The following ANK2 variants were observed in gnomAD, a reference collection of about 807,000 sequenced individuals.
ANK2 encodes ankyrin 2.
A neutral mutation model predicts 360.5 loss-of-function variants in ANK2; 83 were observed. That is an observed-to-expected ratio of 0.23 (90% CI 0.19 to 0.28). ANK2 has a LOEUF of 0.28. Ranked by LOEUF, ANK2 falls within the 10% of genes least tolerant of loss-of-function variation. ANK2 has a pLI of 1.00. For missense variants in ANK2, 4,201 were observed against 4,795.7 expected (o/e 0.88, Z 3.66); for synonymous variants, 1,740 against 1,759.5 (o/e 0.99, Z 0.28).
chr4:113,361,640 G>A (rs2096234121), intron 39 of ANK2, among the ~76,000 whole-genome samples: 1 of 150,660 alleles, frequency 6.6e-6, no homozygotes, highest in African/African-American at 2.4e-5. Flanking sequence ...ATGAATAGGA[G>A]CCCATAATAC....
chr4:112,897,344 T>G (rs2082065501), intron 1 of ANK2, among the ~76,000 whole-genome samples: 2 of 152,168 alleles, frequency 1.3e-5, no homozygotes, highest in African/African-American at 4.8e-5. Context: ...CCTTGTTACT[T>G]TTTTCATTTT....
intron 22 of ANK2, among the ~76,000 whole-genome samples, chr4:113,299,516 C>G (rs1357244280): frequency 6.6e-6 from 1 of 151,976 alleles, no homozygotes; most frequent in Non-Finnish European, 1.5e-5. Flanking sequence ...ACCAGCCAGG[C>G]CAACATGGTG....
intron 23 of ANK2, among the ~76,000 whole-genome samples, chr4:113,306,067 A>G (rs1412011343): frequency 5.3e-5 from 8 of 152,224 alleles, no homozygotes; most frequent in Admixed American, 3.3e-4. Context: ...AATAATGAAT[A>G]TGATGTTATT....
At chr4:113,265,635 T>C (rs536892815) in intron 14 of ANK2, among the ~76,000 whole-genome samples, 3 of 152,308 alleles carry the variant, frequency 2.0e-5, no homozygotes, top group Non-Finnish European at 4.4e-5. Flanking sequence ...TTCCTTCTTT[T>C]TCTGTTTTTA....
chr4:113,180,487 C>T (rs2098381936), intron 2 of ANK2, among the ~76,000 whole-genome samples: 1 of 152,110 alleles, frequency 6.6e-6, no homozygotes, highest in Non-Finnish European at 1.5e-5. Flanking sequence ...CTGATTCGCA[C>T]AAGCAGGACA....
chr4:112,996,772 A>T (rs2048671041), intron 2 of ANK2, among the ~76,000 whole-genome samples: 1 of 152,140 alleles, frequency 6.6e-6, no homozygotes, highest in Non-Finnish European at 1.5e-5. Flanking sequence ...TAAAATGTAC[A>T]ATTAAGTTAT....
In ANK2 at chr4:113,354,075, G is replaced by A. The variant is rs138113206; in HGVS notation, c.5457G>A (p.Ala1819=). The stretch of plus-strand genomic sequence containing the variant: ...CCTCTCTGAAGTCAGAGAGACATGC[G>A]CCAGGGTCTCCCTCCCCTAAAACAG... ...ASPSLKSERH[A]PGSPSPKTER... The change falls in exon 38 of 46, where the codon GCG becomes GCA. Residue 1819 remains alanine (A), a synonymous_variant. Transcript: ENST00000357077. The A allele has an allele frequency of 4.2e-5, 68 of 1,613,988 alleles. No homozygotes were observed. The African/African-American group carries it at 4.9e-4, about 12-fold the overall frequency.
the ANK2 span, among the ~76,000 whole-genome samples, chr4:112,763,899 C>T: frequency 6.6e-6 from 1 of 152,118 alleles, no homozygotes; most frequent in African/African-American, 2.4e-5. Flanking sequence ...CTCTCACTCA[C>T]ATCTCTCTCA....
upstream of ANK2, among the ~76,000 whole-genome samples, chr4:113,048,145 A>G (rs1279901389): frequency 6.7e-6 from 1 of 149,606 alleles, no homozygotes; most frequent in East Asian, 2.0e-4. Flanking sequence ...TATGCTGTGT[A>G]TTATACTTTA....
At chr4:112,811,561 C>G in the ANK2 span, among the ~76,000 whole-genome samples, 1 of 152,098 alleles carries the variant, frequency 6.6e-6, no homozygotes. Flanking sequence ...ATTTCCCCCC[C>G]TTGAGACAAG....
chr4:112,974,257 A>G (rs1256943800), intron 2 of ANK2, among the ~76,000 whole-genome samples: 1 of 152,208 alleles, frequency 6.6e-6, no homozygotes, highest in Non-Finnish European at 1.5e-5. Flanking sequence ...TGGGAACACA[A>G]TGACAAGGGC....
chr4:113,184,902 C>G (rs10012619), intron 2 of ANK2, among the ~76,000 whole-genome samples: 1 of 152,016 alleles, frequency 6.6e-6, no homozygotes, highest in Admixed American at 6.6e-5. Context: ...TGTTTCCCTC[C>G]GTGTGCCCAT....
intron 43 of ANK2, among the ~76,000 whole-genome samples, chr4:113,371,900 T>C (rs2096751600): frequency 6.6e-6 from 1 of 152,238 alleles, no homozygotes; most frequent in African/African-American, 2.4e-5. Flanking sequence ...TAATGTGTGC[T>C]AAGCTAAAAT....
intron 33 of ANK2, among the ~76,000 whole-genome samples, chr4:113,342,215 T>C (rs1221588596): frequency 1.3e-5 from 2 of 152,186 alleles, no homozygotes; most frequent in African/African-American, 4.8e-5. Context: ...ACTTTAGATG[T>C]TTTTAGCTTT....
chr4:112,958,855 C>CTTTTTCTTTTTG (rs891349166), intron 2 of ANK2, among the ~76,000 whole-genome samples: 1 of 150,662 alleles, frequency 6.6e-6, no homozygotes, highest in South Asian at 2.1e-4. Flanking sequence ...ATTTCTTTTT[C>CTTTTTCTTTTTG]TTTTTTTTTG....
chr4:113,346,829 CT>C (rs1324820908), intron 35 of ANK2, among the ~76,000 whole-genome samples: 1 of 152,206 alleles, frequency 6.6e-6, no homozygotes, highest in Non-Finnish European at 1.5e-5. Flanking sequence ...TTTGAAATCT[CT>C]CCCCCTCACG....
At chr4:112,918,816 T>C (rs2090685486) in intron 2 of ANK2, among the ~76,000 whole-genome samples, 1 of 152,240 alleles carries the variant, frequency 6.6e-6, no homozygotes, top group African/African-American at 2.4e-5. Flanking sequence ...CAGTTTGTTT[T>C]TCTAAATTCC....
At chr4:112,750,253 G>A in the ANK2 span, among the ~76,000 whole-genome samples, 1 of 151,908 alleles carries the variant, frequency 6.6e-6, no homozygotes, top group Non-Finnish European at 1.5e-5. Flanking sequence ...GCAACATGAG[G>A]AAACCCCATA....
intron 5 of ANK2, 49 bp from the exon 6 acceptor site, chr4:113,236,938 C>G: frequency 6.4e-7 from 1 of 1,567,350 alleles, no homozygotes; most frequent in Non-Finnish European, 8.8e-7. Flanking sequence ...AACTAAATCT[C>G]TAGCATCTGA....
Sources: allele counts gnomAD v4.1 joint callset (sites outside exome capture counted in the v4.1 genomes callset), GRCh38; gene constraint gnomAD v4.1.1; transcripts MANE v1.5; gene names NCBI Gene and HGNC (gene_info 2026-07-23, HGNC 2026-07-21).